PBX1: variants seen among roughly 807,000 people sequenced by gnomAD.
PBX1 encodes pre-B-cell leukemia transcription factor 1.
PBX1 carries 6 observed loss-of-function variants against 53.4 expected under a neutral mutation model. The ratio of observed to expected loss-of-function variants is 0.11; its 90% CI spans 0.06 to 0.22. The LOEUF (loss-of-function observed/expected upper bound fraction) is 0.22, where lower values mean the gene tolerates loss of function less well. PBX1 is among the 10% of genes least tolerant of loss of function. PBX1 has a pLI of 1.00. For missense variants in PBX1, 251 were observed against 551.4 expected, an observed-to-expected ratio of 0.46 and a Z score of 5.46; for synonymous variants, 204 against 212.3, an observed-to-expected ratio of 0.96 and a Z score of 0.34.
intron 2 of PBX1, among the ~76,000 whole-genome samples, chr1:164,567,245 C>T (rs1215192336): frequency 6.6e-6 from 1 of 152,014 alleles, no homozygotes; most frequent in Non-Finnish European, 1.5e-5. Context: ...CTAGAGATTG[C>T]GGGAAGAGAA....
intron 2 of PBX1, among the ~76,000 whole-genome samples, chr1:164,707,458 AG>A (rs200870850): frequency 0.24 from 34,247 of 144,660 alleles, 4,094 homozygotes; most frequent in Non-Finnish European, 0.26. Flanking sequence ...AGAGAGAGAA[AG>A]TGCTGAATCC....
chr1:164,770,177 A>G (rs12732181), intron 2 of PBX1: 14,402 of 152,308 alleles, frequency 0.095, 879 homozygotes, highest in South Asian at 0.19. Context: ...TTCAAAGGCT[A>G]TCTGACTATC....
rs76004843 is a variant in PBX1 at position 164,780,587 on chromosome 1, T to C, written c.266-11907T>C. On this transcript the variant is annotated intron_variant, in intron 2 of 8. Transcript: ENST00000420696. ...GAAGACGTCTGGGAGAACAGAGCCATTCCTTAGGCCTCATTTCCCCAAGGG... is the reference window on the plus strand; with the variant it reads ...GAAGACGTCTGGGAGAACAGAGCCACTCCTTAGGCCTCATTTCCCCAAGGG... Among the ~76,000 whole-genome samples, 621 of 152,210 alleles carry C rather than the reference T, an allele frequency of 4.1e-3. 4 individuals are homozygous for C. The highest frequency in any genetic ancestry group is 0.014 in the African/African-American group (590 of 41,522).
chr1:164,603,811 T>C (rs951610852), intron 2 of PBX1, among the ~76,000 whole-genome samples: 1 of 152,174 alleles, frequency 6.6e-6, no homozygotes, highest in Non-Finnish European at 1.5e-5. Flanking sequence ...TGATGTTTTA[T>C]ACTTTTCAGT....
chr1:164,690,075 G>A (rs1295543890), intron 2 of PBX1, among the ~76,000 whole-genome samples: 1 of 152,190 alleles, frequency 6.6e-6, no homozygotes, highest in African/African-American at 2.4e-5. Context: ...ATATGGTACT[G>A]ACTCAATTAG....
intron 2 of PBX1, among the ~76,000 whole-genome samples, chr1:164,572,822 A>G (rs1653966511): frequency 6.6e-6 from 1 of 152,174 alleles, no homozygotes; most frequent in African/African-American, 2.4e-5. Context: ...CAGAGTGTTG[A>G]CCACCTTTCT....
Position 164,623,227 on chromosome 1 carries a change from C to T in PBX1, c.265+59916C>T, listed in dbSNP as rs560448155. Among the ~76,000 whole-genome samples the T allele has an allele frequency of 3.9e-5, 6 of 152,186 alleles. No individual in the cohort carries two copies. In the East Asian group the frequency reaches 1.2e-3, roughly 29 times the overall value. On this transcript the variant is annotated intron_variant, in intron 2 of 8. Coordinates refer to ENST00000420696, the MANE Select transcript of PBX1 (RefSeq NM_002585.4). Reference sequence around the variant, plus strand: ...ACACACAAGAGGATCATGACTAATGCGGTGTATATAGATAGATAGAGATAT... The same window carrying T: ...ACACACAAGAGGATCATGACTAATGTGGTGTATATAGATAGATAGAGATAT...
intron 2 of PBX1, among the ~76,000 whole-genome samples, chr1:164,585,942 G>A (rs1210237818): frequency 1.3e-5 from 2 of 152,116 alleles, no homozygotes. Context: ...TGAATAAGTA[G>A]TGCTTATGAC....
intron 2 of PBX1, among the ~76,000 whole-genome samples, chr1:164,578,681 C>A (rs1654417019): frequency 6.6e-6 from 1 of 152,110 alleles, no homozygotes; most frequent in South Asian, 2.1e-4. Context: ...GGAATGTGTT[C>A]CCCAGAGCCA....
intron 2 of PBX1, among the ~76,000 whole-genome samples, chr1:164,686,929 C>T (rs1230774269): frequency 6.6e-6 from 1 of 151,764 alleles, no homozygotes; most frequent in African/African-American, 2.4e-5. Context: ...TGCACTCCAG[C>T]CTGGGCGACA....
At chr1:164,785,184 C>T (rs534874147) in intron 2 of PBX1, among the ~76,000 whole-genome samples, 8 of 152,274 alleles carry the variant, frequency 5.3e-5, no homozygotes, top group South Asian at 4.1e-4. Context: ...TAATCAGAAG[C>T]GCTGACTGAC....
intron 2 of PBX1, among the ~76,000 whole-genome samples, chr1:164,563,534 CTA>C (rs1235768181): frequency 2.6e-5 from 4 of 152,130 alleles, no homozygotes; most frequent in African/African-American, 9.7e-5. Context: ...TTCCAGAACT[CTA>C]TTTCCAGCCT....
intron 2 of PBX1, among the ~76,000 whole-genome samples, chr1:164,870,306 TTTC>T (rs1672340563): frequency 1.5e-4 from 11 of 75,218 alleles, no homozygotes; most frequent in Non-Finnish European, 2.9e-4. Context: ...TCTTTCTTTC[TTTC>T]TTTCTTTCTT....
intron 2 of PBX1, among the ~76,000 whole-genome samples, chr1:164,687,675 A>C (rs150082416): frequency 2.0e-3 from 310 of 152,060 alleles, no homozygotes; most frequent in African/African-American, 7.0e-3. Flanking sequence ...TTCTCGTTGC[A>C]CATCTGAATG....
chr1:164,731,312 CAA>C (rs57637058), intron 2 of PBX1, among the ~76,000 whole-genome samples: 41 of 118,150 alleles, frequency 3.5e-4, no homozygotes, highest in African/African-American at 6.7e-4. Context: ...TTTCATCAGC[CAA>C]AAAAAAAAAA....
chr1:164,665,479 G>A (rs1346963377), intron 2 of PBX1, among the ~76,000 whole-genome samples: 9 of 152,024 alleles, frequency 5.9e-5, no homozygotes, highest in Non-Finnish European at 8.8e-5. Context: ...TAGAGACAGC[G>A]TTTCACCATG....
intron 2 of PBX1, among the ~76,000 whole-genome samples, chr1:164,613,868 G>C (rs1657099289): frequency 6.6e-6 from 1 of 151,994 alleles, no homozygotes; most frequent in Non-Finnish European, 1.5e-5. Context: ...CAGGTAGATT[G>C]CCCCTTCAGC....
At chr1:164,779,108 A>C (rs1667812789) in intron 2 of PBX1, among the ~76,000 whole-genome samples, 1 of 145,078 alleles carries the variant, frequency 6.9e-6, no homozygotes, top group Admixed American at 7.1e-5. Flanking sequence ...CAGTGGCGCT[A>C]TCTCGGCTCA....
At chr1:164,640,247 G>A (rs940029369) in intron 2 of PBX1, among the ~76,000 whole-genome samples, 3 of 152,176 alleles carry the variant, frequency 2.0e-5, no homozygotes, top group African/African-American at 4.8e-5. Flanking sequence ...ATGTCTGCTA[G>A]TATACAGAGT....
Sources: allele counts gnomAD v4.1 joint callset (sites outside exome capture counted in the v4.1 genomes callset), GRCh38; gene constraint gnomAD v4.1.1; transcripts MANE v1.5; gene names NCBI Gene and HGNC (gene_info 2026-07-23, HGNC 2026-07-21).